Variants in KRTAP10-4 observed in about 807,000 individuals in gnomAD.
The protein encoded by KRTAP10-4 is keratin-associated protein 10-4.
For missense variants in KRTAP10-4, 374 were observed against 507.6 expected, an observed-to-expected ratio of 0.74 and a Z score of 2.53; for synonymous variants, 147 against 213.7, an observed-to-expected ratio of 0.69 and a Z score of 2.72.
In KRTAP10-4 at chr21:44,574,745, G is replaced by A; in HGVS notation, c.987G>A (p.Val329=). Reference sequence around the variant, plus strand: ...TCTGCTGCAAGCCTGTGAGCTGTGTGCCTGTTTGCTCTGGGGCTTCCTCTT... The same window carrying A: ...TCTGCTGCAAGCCTGTGAGCTGTGTACCTGTTTGCTCTGGGGCTTCCTCTT... ...VPVCCKPVSC[V]PVCSGASSSC... Residue 329 remains valine, a synonymous_variant, in exon 1 of 1, where the codon GTG becomes GTA. Transcript: ENST00000400374. 1.2e-6 allele frequency: 2 copies of A among 1,613,574 alleles called. No individual in the cohort carries two copies. Among genetic ancestry groups the A allele is most frequent in the South Asian group, 2.2e-5 (2 of 91,028 alleles).
chr21:44,574,711 G>C lies in KRTAP10-4; in HGVS notation c.953G>C (p.Cys318Ser). 6.2e-7 allele frequency: 1 copy of C among 1,608,940 alleles called. No individual in the cohort carries two copies. The highest frequency in any genetic ancestry group is 8.5e-7 in the Non-Finnish European group (1 of 1,176,854). ...TCCTCCCAAAGCCAGCAGGGCTGCT[G>C]CGTGCCCGTCTGCTGCAAGCCTGTG... Reference protein sequence around the residue: ...CTSSQSQQGCCVPVCCKPVSC... With the variant: ...CTSSQSQQGCSVPVCCKPVSC... The change falls in exon 1 of 1, where the codon TGC becomes TCC. Residue 318 changes from cysteine to serine, a missense_variant. Transcript: ENST00000400374.
In KRTAP10-4 at chr21:44,574,538, C is replaced by T; in HGVS notation, c.780C>T (p.Cys260=). ...AGCAGTCTAGCTGCCAGCCGGCTTG[C>T]TGCACCTCCTCTCCCTGCCAGCAGG... ...CCQQSSCQPA[C]CTSSPCQQAC... is the part of the protein sequence containing the mutation. Residue 260 remains cysteine (C), a synonymous_variant, in exon 1 of 1, where the codon TGC becomes TGT. Coordinates refer to ENST00000400374, the MANE Select transcript of KRTAP10-4 (RefSeq NM_198687.2). 1 of 1,609,526 alleles carries T rather than the reference C, an allele frequency of 6.2e-7. No homozygotes were observed. Among genetic ancestry groups the T allele is most frequent in the South Asian group, 1.1e-5 (1 of 90,956 alleles).
In KRTAP10-4 at chr21:44,574,834, C is replaced by A; in HGVS notation, c.1076C>A (p.Ser359Tyr). 1 of 1,614,024 alleles carries A rather than the reference C, an allele frequency of 6.2e-7. No homozygotes were observed. Among genetic ancestry groups the A allele is most frequent in the Non-Finnish European group, 8.5e-7 (1 of 1,179,994 alleles). The change falls in exon 1 of 1, where the codon TCC (serine) becomes TAC (tyrosine). Residue 359 changes from serine (S) to tyrosine (Y), a missense_variant. Physicochemically the swap from Ser to Tyr is moderately radical, Grantham distance 144 (BLOSUM62 -2). Coordinates refer to ENST00000400374, the MANE Select transcript of KRTAP10-4 (RefSeq NM_198687.2). ...ACCACCTCCTGCTGCAGACCCTCCTCCTCCGTGTCCCTCCTCTGCCGCCCC... is the reference window on the plus strand; with the variant it reads ...ACCACCTCCTGCTGCAGACCCTCCTACTCCGTGTCCCTCCTCTGCCGCCCC... ...CCTTSCCRPS[S>Y]SVSLLCRPVC...
rs587743035 is a variant in KRTAP10-4, at chr21:44,574,047, C to G, written c.289C>G (p.Leu97Val). 6.2e-7 allele frequency: 1 copy of G among 1,610,924 alleles called. No individual in the cohort carries two copies. The highest frequency in any genetic ancestry group is 1.3e-5 in the African/African-American group (1 of 74,584). The change falls in exon 1 of 1, where the codon CTG (leucine) becomes GTG (valine). Residue 97 changes from leucine (L) to valine (V), a missense_variant. Physicochemically the swap from Leu to Val is conservative, Grantham distance 32 (BLOSUM62 1). Coordinates refer to ENST00000400374, the MANE Select transcript of KRTAP10-4 (RefSeq NM_198687.2). ...PSCCQQSSCQ[L>V]ACCASSPCQQ... The stretch of plus-strand genomic sequence containing the variant: ...GTGCTGCCAGCAGTCTAGCTGCCAG[C>G]TGGCTTGCTGTGCCTCCTCCCCCTG...
Position 44,574,851 on chromosome 21 carries a change from T to C in KRTAP10-4, c.1093T>C (p.Cys365Arg), listed in dbSNP as rs587614317. The C allele has an allele frequency of 7.4e-6, 12 of 1,613,664 alleles. No homozygotes were observed. In the South Asian group the frequency reaches 1.3e-4, roughly 18 times the overall value. ...CRPSSSVSLL[C>R]RPVCRPACCV... ...ACCCTCCTCCTCCGTGTCCCTCCTC[T>C]GCCGCCCCGTGTGCAGGCCCGCCTG... The change falls in exon 1 of 1, where the codon TGC (cysteine) becomes CGC (arginine). Residue 365 changes from cysteine (C) to arginine (R), a missense_variant. Coordinates refer to ENST00000400374, the MANE Select transcript of KRTAP10-4 (RefSeq NM_198687.2).
chr21:44,574,884 C>A lies in KRTAP10-4; in HGVS notation c.1126C>A (p.Pro376Thr), dbSNP rs782443995. 4 of 1,612,470 alleles carry A rather than the reference C, an allele frequency of 2.5e-6. No individual in the cohort carries two copies. The highest frequency in any genetic ancestry group is 3.4e-6 in the Non-Finnish European group (4 of 1,179,794). ...RPVCRPACCV[P>T]VPSCCAPTSS... ...CGTGTGCAGGCCCGCCTGCTGCGTG[C>A]CCGTCCCTTCCTGCTGTGCTCCCAC... is the stretch of plus-strand genomic sequence containing the variant. Residue 376 changes from proline (P) to threonine (T), a missense_variant, in exon 1 of 1, where the codon CCC (proline) becomes ACC (threonine). Physicochemically the swap from Pro to Thr is conservative, Grantham distance 38 (BLOSUM62 -1). Coordinates refer to ENST00000400374, the MANE Select transcript of KRTAP10-4 (RefSeq NM_198687.2).
In KRTAP10-4 at chr21:44,573,922, T is replaced by C; in HGVS notation, c.164T>C (p.Leu55Pro). 1 of 1,612,734 alleles carries C rather than the reference T, an allele frequency of 6.2e-7. No individual in the cohort carries two copies. Residue 55 changes from leucine to proline, a missense_variant, in exon 1 of 1, where the codon CTG (leucine) becomes CCG (proline). Leu to Pro is a moderately conservative substitution (Grantham distance 98, BLOSUM62 -3). Transcript: ENST00000400374. The part of the protein sequence containing the change: ...SCCAPAPCLS[L>P]VCTPVSRVSS... ...TGCGCCCCGGCCCCCTGCCTGAGCC[T>C]GGTCTGCACCCCAGTGAGCCGTGTG...
Position 44,575,112 on chromosome 21 carries a change from A to G in KRTAP10-4, c.*148A>G, listed in dbSNP as rs1555923753. ...CCTGAATTGCTCCTGCACTTTGACC[A>G]TTTCCTGGTGTCTGCTGTTGAGCTG... On this transcript the variant is annotated 3_prime_UTR_variant, in exon 1 of 1. Coordinates refer to ENST00000400374, the MANE Select transcript of KRTAP10-4 (RefSeq NM_198687.2). 8.6e-7 allele frequency: 1 copy of G among 1,160,468 alleles called. No homozygotes were observed. Among genetic ancestry groups the G allele is most frequent in the African/African-American group, 1.6e-5 (1 of 64,306 alleles). 71.9% of individuals were successfully genotyped at this position (1,160,468 alleles called of 1,614,324 possible).
In KRTAP10-4 at chr21:44,573,855, C is replaced by T; in HGVS notation, c.97C>T (p.Pro33Ser). The change falls in exon 1 of 1, where the codon CCA (proline) becomes TCA (serine). Residue 33 changes from proline to serine, a missense_variant. Pro to Ser is a moderately conservative substitution (Grantham distance 74). Transcript: ENST00000400374. ...CSDSWQVDDC[P>S]ESCCEPPCCA... ...CGACTCCTGGCAGGTGGACGACTGC[C>T]CAGAGAGCTGCTGCGAGCCCCCCTG... The T allele has an allele frequency of 6.2e-7, 1 of 1,614,110 alleles. No homozygotes were observed. The highest frequency in any genetic ancestry group is 1.1e-5 in the South Asian group (1 of 91,088).
rs200727700 is a variant in KRTAP10-4 at position 44,574,839 on chromosome 21, G to A, written c.1081G>A (p.Val361Met). The change falls in exon 1 of 1, where the codon GTG becomes ATG. Residue 361 changes from valine to methionine, a missense_variant. Coordinates refer to ENST00000400374, the MANE Select transcript of KRTAP10-4 (RefSeq NM_198687.2). ...TTSCCRPSSSVSLLCRPVCRP... is the reference protein window; with the variant it reads ...TTSCCRPSSSMSLLCRPVCRP... ...CTCCTGCTGCAGACCCTCCTCCTCC[G>A]TGTCCCTCCTCTGCCGCCCCGTGTG... The A allele has an allele frequency of 1.3e-5, 21 of 1,613,704 alleles. No homozygotes were observed. Among genetic ancestry groups the A allele is most frequent in the African/African-American group, 4.0e-5 (3 of 74,878 alleles).
At position 44,575,285 on chromosome 21, in the gene KRTAP10-4, C is replaced by T; in HGVS notation, c.*321C>T. ...TCAGTTCAGCCTTGACCCGTGAGGTCTCTGTCCTCCTGGCTCAGAGCCGCA... is the reference window on the plus strand; with the variant it reads ...TCAGTTCAGCCTTGACCCGTGAGGTTTCTGTCCTCCTGGCTCAGAGCCGCA... On this transcript the variant is annotated 3_prime_UTR_variant, in exon 1 of 1. Transcript: ENST00000400374. 1 of 493,564 alleles carries T rather than the reference C, an allele frequency of 2.0e-6. No individual in the cohort carries two copies. Among genetic ancestry groups the T allele is most frequent in the Non-Finnish European group, 3.8e-6 (1 of 265,450 alleles). The allele number at this position is 493,564 out of a possible 1,614,324, so 30.6% of individuals were successfully genotyped here.
Position 44,575,292 on chromosome 21 carries a change from C to G in KRTAP10-4, c.*328C>G. 2 of 481,514 alleles carry G rather than the reference C, an allele frequency of 4.2e-6. No individual in the cohort carries two copies. Among genetic ancestry groups the G allele is most frequent in the Non-Finnish European group, 7.7e-6 (2 of 258,360 alleles). The allele number at this position is 481,514 out of a possible 1,614,324, so 29.8% of individuals were successfully genotyped here. On this transcript the variant is annotated 3_prime_UTR_variant, in exon 1 of 1. Transcript: ENST00000400374. Reference sequence around the variant, plus strand: ...AGCCTTGACCCGTGAGGTCTCTGTCCTCCTGGCTCAGAGCCGCAGAGCCTT... The same window carrying G: ...AGCCTTGACCCGTGAGGTCTCTGTCGTCCTGGCTCAGAGCCGCAGAGCCTT...
In KRTAP10-4 at chr21:44,573,957, T is replaced by C; in HGVS notation, c.199T>C (p.Cys67Arg). ...CTPVSRVSSP[C>R]CPVTCEPSPC... is the part of the protein sequence containing the mutation. ...CCCAGTGAGCCGTGTGTCCAGCCCC[T>C]GCTGCCCAGTGACCTGTGAGCCCAG... Residue 67 changes from cysteine (C) to arginine (R), a missense_variant, in exon 1 of 1, where the codon TGC (cysteine) becomes CGC (arginine). By Grantham distance (180) the Cys-to-Arg change is radical. Coordinates refer to ENST00000400374, the MANE Select transcript of KRTAP10-4 (RefSeq NM_198687.2). 1 of 1,612,258 alleles carries C rather than the reference T, an allele frequency of 6.2e-7. No individual in the cohort carries two copies. The highest frequency in any genetic ancestry group is 8.5e-7 in the Non-Finnish European group (1 of 1,179,438).
In KRTAP10-4 at chr21:44,574,654, A is replaced by C; in HGVS notation, c.896A>C (p.Gln299Pro). The C allele has an allele frequency of 1.2e-6, 2 of 1,602,698 alleles. No individual in the cohort carries two copies. Among genetic ancestry groups the C allele is most frequent in the Non-Finnish European group, 1.7e-6 (2 of 1,173,542 alleles). Residue 299 changes from glutamine (Q) to proline (P), a missense_variant, in exon 1 of 1, where the codon CAG becomes CCG. Gln to Pro is a moderately conservative substitution (Grantham distance 76). Transcript: ENST00000400374. ...ICSGASSLCC[Q>P]QSSCQPACCT... is the part of the protein sequence containing the mutation. ...TCTGGGGCTTCCTCTCTGTGCTGCC[A>C]GCAGTCTAGCTGCCAGCCAGCTTGC...
chr21:44,574,029 C>T, the KRTAP10-4 span: 16 of 1,613,300 alleles, frequency 9.9e-6, no homozygotes, highest in Middle Eastern at 1.7e-4. Context: ...CTCGTGCTGC[C>T]AGCAGTCTAG....
In KRTAP10-4 at chr21:44,574,995, G is replaced by A; in HGVS notation, c.*31G>A. 1 of 1,609,418 alleles carries A rather than the reference G, an allele frequency of 6.2e-7. No individual in the cohort carries two copies. The highest frequency in any genetic ancestry group is 1.1e-5 in the South Asian group (1 of 90,052). On this transcript the variant is annotated 3_prime_UTR_variant, in exon 1 of 1. Coordinates refer to ENST00000400374, the MANE Select transcript of KRTAP10-4 (RefSeq NM_198687.2). ...CGTGTGCTCCCGCCCAGCCTGCTGA[G>A]GCCTCCGCTCAGGTCAGAAGCCCAG... is the stretch of plus-strand genomic sequence containing the variant.
chr21:44,573,745 C>G lies in KRTAP10-4; in HGVS notation c.-14C>G, dbSNP rs200314238. 5 of 1,607,158 alleles carry G rather than the reference C, an allele frequency of 3.1e-6. No individual in the cohort carries two copies. Among genetic ancestry groups the G allele is most frequent in the Admixed American group, 1.7e-5 (1 of 59,678 alleles). On this transcript the variant is annotated 5_prime_UTR_variant, in exon 1 of 1. Transcript: ENST00000400374. ...ATCTCCCCCAGCTCAACCCCCAGCA[C>G]AGCAGCATCCACCATGTCCGTCTGC...
In KRTAP10-4 at chr21:44,575,111, C is replaced by A; in HGVS notation, c.*147C>A. 1 of 1,168,106 alleles carries A rather than the reference C, an allele frequency of 8.6e-7. No homozygotes were observed. The highest frequency in any genetic ancestry group is 1.5e-5 in the African/African-American group (1 of 64,656). 72.4% of individuals were successfully genotyped at this position (1,168,106 alleles called of 1,614,324 possible). The stretch of plus-strand genomic sequence containing the variant: ...TCCTGAATTGCTCCTGCACTTTGAC[C>A]ATTTCCTGGTGTCTGCTGTTGAGCT... On this transcript the variant is annotated 3_prime_UTR_variant, in exon 1 of 1. Transcript: ENST00000400374.
Position 44,574,479 on chromosome 21 carries a change from C to G in KRTAP10-4, c.721C>G (p.Pro241Ala). 1 of 1,610,922 alleles carries G rather than the reference C, an allele frequency of 6.2e-7. No individual in the cohort carries two copies. Among genetic ancestry groups the G allele is most frequent in the Admixed American group, 1.7e-5 (1 of 59,726 alleles). ...CTGCTGCAAGACTGTCTGCTGCAAG[C>G]CTGTGTGCTCTGAGGATTCCTCTTC... ...PVCCKTVCCK[P>A]VCSEDSSSCC... Residue 241 changes from proline to alanine, a missense_variant, in exon 1 of 1, where the codon CCT (proline) becomes GCT (alanine). Transcript: ENST00000400374.
Sources: allele counts gnomAD v4.1 joint callset, GRCh38; gene constraint gnomAD v4.1.1; transcripts MANE v1.5; gene names NCBI Gene and HGNC (gene_info 2026-07-23, HGNC 2026-07-21).